TXNDC16: variants seen among roughly 807,000 people sequenced by gnomAD.
The protein encoded by TXNDC16 is thioredoxin domain containing 16.
Under a neutral mutation model 85.6 loss-of-function variants are expected in TXNDC16, and 74 were observed. The ratio of observed to expected loss-of-function variants is 0.86; its 90% CI spans 0.72 to 1.05. TXNDC16 has a LOEUF of 1.05. Among genes scored for constraint, TXNDC16 ranks in the 50% least tolerant of loss-of-function variants. TXNDC16 has a pLI of 0.00. For synonymous variants in TXNDC16, 335 were observed against 326.5 expected, an observed-to-expected ratio of 1.03 and a Z score of -0.28; for missense variants, 959 against 947.0, an observed-to-expected ratio of 1.01 and a Z score of -0.17.
intron 6 of TXNDC16, among the ~76,000 whole-genome samples, chr14:52,531,541 T>A (rs1275346199): frequency 6.6e-6 from 1 of 152,188 alleles, no homozygotes; most frequent in Non-Finnish European, 1.5e-5. Flanking sequence ...TGCATATTAC[T>A]AAGTGCAAGA....
rs1441394588 is a variant in TXNDC16 at position 52,524,671 on chromosome 14, T to G, written c.393-5378A>C. Among the ~76,000 whole-genome samples, 5 of 151,988 alleles carry G rather than the reference T, an allele frequency of 3.3e-5. 1 individual carries two copies. In the East Asian group the frequency reaches 9.8e-4, roughly 30 times the overall value. On this transcript the variant is annotated intron_variant, in intron 6 of 20. Transcript: ENST00000281741. ...CATGCCTGGCTAAATTCTAAAAACG[T>G]TTTGTAGAGACTGGGGTCTCATTGT...
intron 20 of TXNDC16, among the ~76,000 whole-genome samples, chr14:52,435,902 C>G (rs566148513): frequency 6.6e-6 from 1 of 152,036 alleles, no homozygotes; most frequent in South Asian, 2.1e-4. Flanking sequence ...TCCCTTGAGC[C>G]CAGGAGTTCG....
At position 52,460,089 on chromosome 14, in the gene TXNDC16, T is replaced by C. The variant is rs184529686; in HGVS notation, c.1619-2915A>G. Among the ~76,000 whole-genome samples the C allele has an allele frequency of 4.3e-3, 656 of 152,210 alleles. 2 individuals are homozygous for C. The highest frequency in any genetic ancestry group is 6.8e-3 in the Non-Finnish European group (462 of 68,008). On this transcript the variant is annotated intron_variant, in intron 16 of 20. Transcript: ENST00000281741. ...AGGCAAGAGAAAGAAAAAAAGAGCATCCAGGCTGGGCACAGTGGCTCACTC... is the reference window on the plus strand; with the variant it reads ...AGGCAAGAGAAAGAAAAAAAGAGCACCCAGGCTGGGCACAGTGGCTCACTC...
chr14:52,451,495 A>G (rs77909877), intron 18 of TXNDC16, among the ~76,000 whole-genome samples: 43 of 152,254 alleles, frequency 2.8e-4, no homozygotes, highest in Non-Finnish European at 4.7e-4. Flanking sequence ...AAGATCATTG[A>G]TCATGTCCAT....
chr14:52,491,663 A>G (rs2036412113), intron 9 of TXNDC16, among the ~76,000 whole-genome samples: 1 of 152,168 alleles, frequency 6.6e-6, no homozygotes, highest in Admixed American at 6.5e-5. Context: ...CTAAGGAACA[A>G]ACTTTTTCAT....
At chr14:52,447,890 C>T (rs993943162) in intron 18 of TXNDC16, among the ~76,000 whole-genome samples, 8 of 151,696 alleles carry the variant, frequency 5.3e-5, no homozygotes, top group African/African-American at 1.2e-4. Context: ...AAAAATGCAA[C>T]TAAACTAACA....
intron 9 of TXNDC16, among the ~76,000 whole-genome samples, chr14:52,504,500 C>G (rs1218824082): frequency 3.3e-5 from 5 of 152,122 alleles, no homozygotes; most frequent in African/African-American, 1.2e-4. Context: ...AAATAAAATA[C>G]TTTACAGACA....
At chr14:52,506,529 T>TCATGC (rs1461103438) in intron 9 of TXNDC16, among the ~76,000 whole-genome samples, 12 of 116,940 alleles carry the variant, frequency 1.0e-4, no homozygotes, top group African/African-American at 1.3e-4. Flanking sequence ...CAACAACCCT[T>TCATGC]TTTTTTTTTT....
Position 52,432,304 on chromosome 14 carries a change from T to A in TXNDC16, c.2478A>T (p.Ter826TyrextTer13), listed in dbSNP as rs1283753197. 5 of 1,597,528 alleles carry A rather than the reference T, an allele frequency of 3.1e-6. No individual in the cohort carries two copies. The highest frequency in any genetic ancestry group is 4.3e-6 in the Non-Finnish European group (5 of 1,172,186). The change falls in exon 21 of 21, where the codon TAA becomes TAT. Residue 826 changes from the stop codon to tyrosine (Y), a stop_lost. Transcript: ENST00000281741. Reference protein sequence around the residue: ...DKELGCSKVN* With the variant: ...DKELGCSKVNY The stretch of plus-strand genomic sequence containing the variant: ...TTTTGGAAACCACAGCCCTATAAAA[T>A]TAGTTCACTTTTGAGCATCCTAACT...
intron 18 of TXNDC16, among the ~76,000 whole-genome samples, chr14:52,449,747 A>C (rs1394564990): frequency 6.6e-6 from 1 of 152,120 alleles, no homozygotes; most frequent in African/African-American, 2.4e-5. Context: ...AAATAATATC[A>C]AGCATCTTCT....
Position 52,432,165 on chromosome 14 carries a change from A to T in TXNDC16, c.*139T>A. The T allele has an allele frequency of 1.4e-6, 1 of 718,642 alleles. No homozygotes were observed. The highest frequency in any genetic ancestry group is 2.0e-6 in the Non-Finnish European group (1 of 495,782). 44.5% of individuals were successfully genotyped at this position (718,642 alleles called of 1,614,324 possible). On this transcript the variant is annotated 3_prime_UTR_variant, in exon 21 of 21. Coordinates refer to ENST00000281741, the MANE Select transcript of TXNDC16 (RefSeq NM_020784.3). ...TTTAATGTAGTTACTAGAAAATTTT[A>T]AATAAAATATGTGACTTATATTATA... is the stretch of plus-strand genomic sequence containing the variant.
chr14:52,486,125 T>G (rs1351759995), intron 12 of TXNDC16, among the ~76,000 whole-genome samples: 1 of 152,174 alleles, frequency 6.6e-6, no homozygotes, highest in African/African-American at 2.4e-5. Flanking sequence ...TTCATATATT[T>G]TCATTTTCCT....
At chr14:52,469,942 A>G (rs912200025) in intron 16 of TXNDC16, 95 bp downstream of exon 16, 54 of 1,221,436 alleles carry the variant, frequency 4.4e-5, no homozygotes, top group Non-Finnish European at 5.9e-5. Flanking sequence ...CATAATTTTG[A>G]AATTCTCTAT....
chr14:52,506,846 G>A (rs577749888), intron 9 of TXNDC16, among the ~76,000 whole-genome samples: 4 of 135,860 alleles, frequency 2.9e-5, no homozygotes, highest in Admixed American at 7.6e-5. Context: ...GTGAGCCACC[G>A]CACCCGGCCT....
At chr14:52,537,536 A>G (rs979450880) in intron 5 of TXNDC16, 63 bp downstream of exon 5, 3 of 1,168,946 alleles carry the variant, frequency 2.6e-6, no homozygotes, top group African/African-American at 1.5e-5. Flanking sequence ...GATATTTTAC[A>G]TATTTGAATA....
intron 7 of TXNDC16, among the ~76,000 whole-genome samples, chr14:52,517,920 G>A (rs924192750): frequency 6.6e-6 from 1 of 151,928 alleles, no homozygotes; most frequent in Non-Finnish European, 1.5e-5. Flanking sequence ...CCTCCTATCA[G>A]GCATTAAACC....
At chr14:52,533,805 A>C (rs1360106027) in intron 6 of TXNDC16, among the ~76,000 whole-genome samples, 2 of 152,162 alleles carry the variant, frequency 1.3e-5, no homozygotes, top group Admixed American at 6.5e-5. Flanking sequence ...TTGAGGGAAC[A>C]AAAGGGGTGT....
intron 20 of TXNDC16, 136 bp downstream of exon 20, chr14:52,439,068 A>G (rs1249272742): frequency 2.2e-6 from 2 of 909,562 alleles, no homozygotes; most frequent in East Asian, 5.3e-5. Flanking sequence ...TTGGCCTCCC[A>G]GTCAGAGACT....
chr14:52,496,938 T>A (rs2036546865), intron 9 of TXNDC16, among the ~76,000 whole-genome samples: 1 of 152,038 alleles, frequency 6.6e-6, no homozygotes, highest in Non-Finnish European at 1.5e-5. Context: ...TCCATTCCAT[T>A]TGACAAAAAA....
Sources: allele counts gnomAD v4.1 joint callset (sites outside exome capture counted in the v4.1 genomes callset), GRCh38; gene constraint gnomAD v4.1.1; transcripts MANE v1.5; gene names NCBI Gene and HGNC (gene_info 2026-07-23, HGNC 2026-07-21).